Variants in ALDH1A2 observed in about 807,000 individuals in gnomAD.
The protein encoded by ALDH1A2 is aldehyde dehydrogenase 1 family member A2, also known as retinal dehydrogenase 2.
ALDH1A2 carries 27 observed loss-of-function variants against 60.3 expected under a neutral mutation model. The ratio of observed to expected loss-of-function variants is 0.45; its 90% CI spans 0.33 to 0.62. The LOEUF (loss-of-function observed/expected upper bound fraction) is 0.62. Among genes scored for constraint, ALDH1A2 ranks in the 20% least tolerant of loss-of-function variants. ALDH1A2 has a pLI of 0.02. For synonymous variants in ALDH1A2, 289 were observed against 232.4 expected, an observed-to-expected ratio of 1.24 and a Z score of -2.21; for missense variants, 581 against 643.8, an observed-to-expected ratio of 0.90 and a Z score of 1.06.
chr15:58,005,412 C>G lies in ALDH1A2; in HGVS notation c.493+5237G>C, dbSNP rs150443262. Among the ~76,000 whole-genome samples, 342 of 151,964 alleles carry G rather than the reference C, an allele frequency of 2.3e-3. 6 individuals are homozygous for G. The East Asian group carries it at 0.046, about 21-fold the overall frequency. ...TGCCTTTGTAACCCAATGCCTAATA[C>G]AGGAGCTGAAACATAGCAGATGCTA... On this transcript the variant is annotated intron_variant, in intron 4 of 12. Transcript: ENST00000249750.
intron 12 of ALDH1A2, among the ~76,000 whole-genome samples, chr15:57,958,170 C>T (rs1409325138): frequency 1.3e-5 from 2 of 151,790 alleles, no homozygotes; most frequent in East Asian, 3.9e-4. Flanking sequence ...AAACCATCAC[C>T]CAGACTGGAG....
At chr15:58,032,994 T>C (rs1420133807) in intron 1 of ALDH1A2, among the ~76,000 whole-genome samples, 2 of 151,830 alleles carry the variant, frequency 1.3e-5, no homozygotes, top group African/African-American at 4.8e-5. Context: ...TAATGTAAAA[T>C]AGATCAGAGA....
chr15:57,961,085 C>T, intron 11 of ALDH1A2, 52 bp downstream of exon 11: 1 of 1,605,598 alleles, frequency 6.2e-7, no homozygotes, highest in Non-Finnish European at 8.5e-7. Flanking sequence ...TTATTTCACC[C>T]TGGTCCCTAT....
At chr15:58,031,058 C>T (rs1298692870) in intron 1 of ALDH1A2, among the ~76,000 whole-genome samples, 1 of 152,096 alleles carries the variant, frequency 6.6e-6, no homozygotes, top group South Asian at 2.1e-4. Flanking sequence ...AAAAAGAGCC[C>T]GCAAAGCCAC....
At chr15:58,052,175 A>T (rs1896792049) in intron 1 of ALDH1A2, among the ~76,000 whole-genome samples, 1 of 152,158 alleles carries the variant, frequency 6.6e-6, no homozygotes, top group African/African-American at 2.4e-5. Context: ...CTCTTTGGTA[A>T]CCATGAGTAC....
At chr15:58,060,463 C>CTTTTTTTTTTTTTTTTTTTT (rs35187901) in intron 1 of ALDH1A2, among the ~76,000 whole-genome samples, 17 of 87,504 alleles carry the variant, frequency 1.9e-4, no homozygotes, top group South Asian at 8.4e-4. Flanking sequence ...CCACACATAT[C>CTTTTTTTTTTTTTTTTTTTT]TTTTTTTTTT....
rs1194870566 is a variant in ALDH1A2, at chr15:58,065,704, C to T, written c.-54G>A. 3.9e-6 allele frequency: 5 copies of T among 1,273,994 alleles called. No individual in the cohort carries two copies. In the Admixed American group the frequency reaches 8.3e-5, roughly 21 times the overall value. 78.9% of individuals were successfully genotyped at this position (1,273,994 alleles called of 1,614,324 possible). A position where few individuals can be genotyped will look rare whatever the true frequency, so the allele number is the denominator to read the frequency against. ...GGCGTGGGGCAGTGCGGGCTGTGCG[C>T]GCGGTCCGCGGCCCGGGGGCGCGCT... On this transcript the variant is annotated 5_prime_UTR_variant, in exon 1 of 13. Transcript: ENST00000249750.
At chr15:57,965,689 G>T in intron 8 of ALDH1A2, 36 bp downstream of exon 8, 1 of 1,411,460 alleles carries the variant, frequency 7.1e-7, no homozygotes, top group Non-Finnish European at 1.0e-6. Context: ...CAAAGGGTGT[G>T]TGGTGGTTCA....
chr15:57,958,004 C>A (rs955242504), intron 12 of ALDH1A2, among the ~76,000 whole-genome samples: 2 of 152,012 alleles, frequency 1.3e-5, no homozygotes, highest in East Asian at 3.9e-4. Context: ...CAATGTAAAA[C>A]CCTGCTGGAA....
intron 7 of ALDH1A2, among the ~76,000 whole-genome samples, chr15:57,972,844 A>G (rs569391721): frequency 2.2e-4 from 34 of 152,320 alleles, no homozygotes; most frequent in African/African-American, 7.7e-4. Context: ...AAAAAGGCCT[A>G]TTAGCTGTTT....
In ALDH1A2 at chr15:58,025,785, C is replaced by G. The variant is rs536379863; in HGVS notation, c.118-11504G>C. On this transcript the variant is annotated intron_variant, in intron 1 of 12. Transcript: ENST00000249750. ...TGAGGCCACAGGAAGCTTACAATCA[C>G]GGCAGAATGTGAAGGGGAAGCAGGT... 3.3e-5 allele frequency among the ~76,000 whole-genome samples: 5 copies of G among 152,328 alleles called. No individual in the cohort carries two copies. In the South Asian group the frequency reaches 8.3e-4, roughly 25 times the overall value.
chr15:57,958,808 G>A (rs1490564414), intron 12 of ALDH1A2, among the ~76,000 whole-genome samples: 2 of 152,116 alleles, frequency 1.3e-5, no homozygotes, highest in African/African-American at 2.4e-5. Flanking sequence ...CATGTTTTGG[G>A]GGTAAGTAGA....
chr15:57,968,483 A>AT (rs1434361637), intron 7 of ALDH1A2, among the ~76,000 whole-genome samples: 1 of 152,040 alleles, frequency 6.6e-6, no homozygotes, highest in Non-Finnish European at 1.5e-5. Context: ...GCATTCTGTC[A>AT]TTTTTCTGTT....
At chr15:57,956,107 T>G (rs34106478) in intron 12 of ALDH1A2, among the ~76,000 whole-genome samples, 16 of 152,122 alleles carry the variant, frequency 1.1e-4, no homozygotes, top group Admixed American at 6.5e-4. Flanking sequence ...CCCTACTGAG[T>G]TGTATCCTAC....
At chr15:58,026,921 A>T (rs568553150) in intron 1 of ALDH1A2, among the ~76,000 whole-genome samples, 1 of 152,236 alleles carries the variant, frequency 6.6e-6, no homozygotes, top group Non-Finnish European at 1.5e-5. Flanking sequence ...CTGCCTCTCT[A>T]GACTCCACCT....
At chr15:58,040,025 T>G (rs539729079) in intron 1 of ALDH1A2, among the ~76,000 whole-genome samples, 2 of 151,858 alleles carry the variant, frequency 1.3e-5, no homozygotes, top group Non-Finnish European at 2.9e-5. Context: ...GTTCTAATAA[T>G]AAAATTTGGG....
At chr15:57,972,308 T>C (rs1384064939) in intron 7 of ALDH1A2, among the ~76,000 whole-genome samples, 1 of 152,208 alleles carries the variant, frequency 6.6e-6, no homozygotes, top group Non-Finnish European at 1.5e-5. Context: ...CCCTTTGCTG[T>C]GAGTAGCATT....
intron 1 of ALDH1A2, among the ~76,000 whole-genome samples, chr15:58,056,152 A>C (rs1180044516): frequency 3.3e-5 from 5 of 152,130 alleles, no homozygotes; most frequent in Non-Finnish European, 7.4e-5. Flanking sequence ...AAGTTATAAT[A>C]ATCATGTTAC....
intron 5 of ALDH1A2, 144 bp from the exon 6 acceptor site, chr15:57,993,217 T>G: frequency 9.7e-7 from 1 of 1,028,500 alleles, no homozygotes; most frequent in Admixed American, 2.0e-5. Flanking sequence ...GATTTTCAAT[T>G]ACTTCATTAA....
Sources: allele counts gnomAD v4.1 joint callset (sites outside exome capture counted in the v4.1 genomes callset), GRCh38; gene constraint gnomAD v4.1.1; transcripts MANE v1.5; gene names NCBI Gene and HGNC (gene_info 2026-07-23, HGNC 2026-07-21).